Variants in DNAH8 observed in about 807,000 individuals in gnomAD.
DNAH8 encodes axonemal beta dynein heavy chain 8.
In DNAH8, 382 loss-of-function variants were observed where a neutral mutation model predicts 562.1. That is an observed-to-expected ratio of 0.68 (90% CI 0.63 to 0.74). The LOEUF (loss-of-function observed/expected upper bound fraction) is 0.74. Ranked by LOEUF, DNAH8 falls within the 30% of genes least tolerant of loss-of-function variation. The pLI is 0.00. For missense variants in DNAH8, 5,203 were observed against 5,620.4 expected (o/e 0.93, Z 2.37); for synonymous variants, 1,881 against 1,919.4 (o/e 0.98, Z 0.52).
rs1779852876 is a variant in DNAH8, at chr6:38,898,462, T to C, written c.9063+82T>C. Reference sequence around the variant, plus strand: ...TTCATAGATAAATTTTTTGAGAGAATAACTATATACTATCAGGTACCGTAT... The same window carrying C: ...TTCATAGATAAATTTTTTGAGAGAACAACTATATACTATCAGGTACCGTAT... On this transcript the variant is annotated intron_variant, in intron 61 of 92. Transcript: ENST00000327475. The C allele has an allele frequency of 2.4e-6, 3 of 1,225,346 alleles. No homozygotes were observed. The East Asian group carries it at 8.0e-5, about 33-fold the overall frequency. 75.9% of individuals were successfully genotyped at this position (1,225,346 alleles called of 1,614,324 possible). A position where few individuals can be genotyped will look rare whatever the true frequency, so the allele number is the denominator to read the frequency against.
chr6:38,973,998 A>G (rs557982127), intron 84 of DNAH8, among the ~76,000 whole-genome samples, 185 bp downstream of exon 84: 2 of 152,306 alleles, frequency 1.3e-5, no homozygotes, highest in South Asian at 2.1e-4. Context: ...AAATATTTCC[A>G]TAGAAGAGCT....
intron 82 of DNAH8, among the ~76,000 whole-genome samples, chr6:38,962,760 A>G (rs1323508012): frequency 6.6e-6 from 1 of 152,202 alleles, no homozygotes; most frequent in East Asian, 1.9e-4. Context: ...GACAAGATAG[A>G]TAATATGACT....
At chr6:38,815,331 A>G (rs1254832030) in intron 25 of DNAH8, 137 bp from the exon 26 acceptor site, 24 of 587,810 alleles carry the variant, frequency 4.1e-5, no homozygotes, top group Non-Finnish European at 5.6e-5. Context: ...ATCTTCCTCT[A>G]TCATTCTCCC....
Position 38,791,599 on chromosome 6 carries a change from G to C in DNAH8, c.2826G>C (p.Glu942Asp). The stretch of plus-strand genomic sequence containing the variant: ...TGCATATTGATACAGTTCTGAAGGA[G>C]ATAGCCAAAACTGTGTTGATTTCTC... ...CEMHIDTVLK[E>D]IAKTVLISLP... Residue 942 changes from glutamate to aspartate, a missense_variant, in exon 21 of 93, where the codon GAG becomes GAC. By Grantham distance (45) the Glu-to-Asp change is conservative. Coordinates refer to ENST00000327475, the MANE Select transcript of DNAH8 (RefSeq NM_001206927.2). The C allele has an allele frequency of 6.2e-7, 1 of 1,613,872 alleles. No homozygotes were observed. The highest frequency in any genetic ancestry group is 8.5e-7 in the Non-Finnish European group (1 of 1,179,906).
rs988315790 is a variant in DNAH8 at position 38,882,291 on chromosome 6, G to A, written c.7859-619G>A. 3.3e-5 allele frequency among the ~76,000 whole-genome samples: 5 copies of A among 152,240 alleles called. No individual in the cohort carries two copies. The East Asian group carries it at 9.6e-4, about 29-fold the overall frequency. On this transcript the variant is annotated intron_variant, in intron 53 of 92. Transcript: ENST00000327475. ...GTTCATTGCAGCACTATTCACAATA[G>A]CAAAGACATGGAATCAACTTACATG...
At chr6:38,718,538 A>G (rs539291660) in intron 1 of DNAH8, among the ~76,000 whole-genome samples, 87 of 152,362 alleles carry the variant, frequency 5.7e-4, no homozygotes, top group African/African-American at 1.9e-3. Flanking sequence ...AAATCTCTCC[A>G]AAATGGCAGT....
rs534191333 is a variant in DNAH8, at chr6:38,994,987, G to A, written c.13214+4815G>A. On this transcript the variant is annotated intron_variant, in intron 88 of 92. Coordinates refer to ENST00000327475, the MANE Select transcript of DNAH8 (RefSeq NM_001206927.2). ...ATTCTGTTTTCCTTTCTATTTTGTA[G>A]CAGTCTGTTTTAAGTTTAGCTAGTC... 5.1e-4 allele frequency among the ~76,000 whole-genome samples: 77 copies of A among 151,020 alleles called. 1 individual carries two copies. Among genetic ancestry groups the A allele is most frequent in the African/African-American group, 1.8e-3 (74 of 41,208 alleles).
In DNAH8 at chr6:38,722,996, G is replaced by T; in HGVS notation, c.187G>T (p.Asp63Tyr). ...TGTTTCTTCTGTGGTGGATTATCGG[G>T]ATCTCATTCCTTCTGAAGAAGGGAT... ...DAVSSVVDYR[D>Y]LIPSEEGIVL... The change falls in exon 2 of 93, where the codon GAT (aspartate) becomes TAT (tyrosine). Residue 63 changes from aspartate (D) to tyrosine (Y), a missense_variant. Asp to Tyr is a radical substitution (Grantham distance 160). Around this residue, in one of 6 missense-constraint regions of DNAH8, gnomAD observed 556 missense variants for 496.9 expected, o/e 1.12. Transcript: ENST00000327475. 6.2e-7 allele frequency: 1 copy of T among 1,612,834 alleles called. No individual in the cohort carries two copies. The highest frequency in any genetic ancestry group is 8.5e-7 in the Non-Finnish European group (1 of 1,179,890).
chr6:38,917,864 T>C, intron 69 of DNAH8, 61 bp from the exon 70 acceptor site: 14 of 1,290,344 alleles, frequency 1.1e-5, no homozygotes, highest in Non-Finnish European at 1.5e-5. Context: ...TAGAAGTACA[T>C]ATTAACTCAG....
At chr6:38,990,720 G>A (rs1219685676) in intron 88 of DNAH8, among the ~76,000 whole-genome samples, 1 of 151,880 alleles carries the variant, frequency 6.6e-6, no homozygotes, top group African/African-American at 2.4e-5. Context: ...GCACAGCCCC[G>A]GGAGGAAAGA....
At chr6:38,722,587 T>TGTGG (rs1762846822) in intron 1 of DNAH8, among the ~76,000 whole-genome samples, 189 bp from the exon 2 acceptor site, 1 of 150,104 alleles carries the variant, frequency 6.7e-6, no homozygotes, top group Non-Finnish European at 1.5e-5. Context: ...GGTGGGGGTG[T>TGTGG]GTGTGTGTGT....
intron 22 of DNAH8, among the ~76,000 whole-genome samples, chr6:38,804,538 C>T (rs1277612422): frequency 1.3e-5 from 2 of 152,072 alleles, no homozygotes; most frequent in Non-Finnish European, 1.5e-5. Flanking sequence ...AGGCTGGCTT[C>T]GAGCAAGGCT....
chr6:38,792,680 C>G (rs975899899), intron 21 of DNAH8, among the ~76,000 whole-genome samples: 1 of 152,174 alleles, frequency 6.6e-6, no homozygotes. Flanking sequence ...TCCATTGACT[C>G]AAAAGCACAA....
At chr6:38,756,259 T>C (rs1765899021) in intron 10 of DNAH8, among the ~76,000 whole-genome samples, 180 bp downstream of exon 10, 1 of 152,150 alleles carries the variant, frequency 6.6e-6, no homozygotes, top group Non-Finnish European at 1.5e-5. Flanking sequence ...AGGGAGTAAT[T>C]GGTACTTTTC....
chr6:38,996,443 A>C (rs1765137828), intron 88 of DNAH8, among the ~76,000 whole-genome samples: 1 of 152,176 alleles, frequency 6.6e-6, no homozygotes, highest in Non-Finnish European at 1.5e-5. Flanking sequence ...CATGTCTTTC[A>C]GACAGCTTGA....
chr6:39,018,150 A>G (rs1766678549), intron 91 of DNAH8, among the ~76,000 whole-genome samples: 1 of 152,186 alleles, frequency 6.6e-6, no homozygotes, highest in Non-Finnish European at 1.5e-5. Flanking sequence ...CTCTGAGTGA[A>G]TAACAACCCA....
chr6:38,966,899 T>C (rs1047890438), intron 82 of DNAH8, among the ~76,000 whole-genome samples: 1 of 152,160 alleles, frequency 6.6e-6, no homozygotes, highest in Non-Finnish European at 1.5e-5. Context: ...CGGTTTCCTA[T>C]TTCATAGATG....
intron 33 of DNAH8, among the ~76,000 whole-genome samples, chr6:38,841,374 G>A (rs746449591): frequency 1.3e-5 from 2 of 152,126 alleles, no homozygotes; most frequent in Non-Finnish European, 2.9e-5. Flanking sequence ...AGCCGAGATC[G>A]TGCCACTGCA....
chr6:38,726,403 T>C (rs1763221469), intron 3 of DNAH8, among the ~76,000 whole-genome samples: 1 of 152,208 alleles, frequency 6.6e-6, no homozygotes, highest in Non-Finnish European at 1.5e-5. Flanking sequence ...TCTTACTGGC[T>C]AGCATGCTAG....
Sources: gnomAD v4.1 joint callset for allele counts (sites outside exome capture counted in the v4.1 genomes callset) on GRCh38, gnomAD v4.1.1 for gene constraint, gnomAD v4.1.1 regional missense constraint, MANE v1.5 for transcripts, NCBI Gene and HGNC (gene_info 2026-07-23, HGNC 2026-07-21) for gene names.